Variants in ZGPAT observed in about 807,000 individuals in gnomAD.
ZGPAT encodes the protein zinc finger CCCH-type and G-patch domain containing, also known as zinc finger CCCH-type with G patch domain-containing protein.
A neutral mutation model predicts 47.9 loss-of-function variants in ZGPAT; 39 were observed. That is an observed-to-expected ratio of 0.81 (90% CI 0.63 to 1.06). The LOEUF (loss-of-function observed/expected upper bound fraction) is 1.06. Among genes scored for constraint, ZGPAT ranks in the 50% least tolerant of loss-of-function variants. The pLI, the probability that ZGPAT is intolerant of heterozygous loss-of-function variation, is 0.00. For missense variants in ZGPAT, 717 were observed against 681.4 expected (o/e 1.05, Z -0.58); for synonymous variants, 348 against 292.9 (o/e 1.19, Z -1.92).
chr20:63,733,188 T>C, intron 2 of ZGPAT, 31 bp from the exon 3 acceptor site: 1 of 1,604,188 alleles, frequency 6.2e-7, no homozygotes. Flanking sequence ...GGCCCATGTC[T>C]GAGCCCTGCC....
chr20:63,714,382 T>TGCCAC lies in ZGPAT; in HGVS notation c.584+5219_584+5223dup, dbSNP rs566300817. On this transcript the variant is annotated intron_variant, in intron 2 of 6. Transcript: ENST00000355969. ...CGGAGGTTGCAGTGAGCCAAGATCA[T>TGCCAC]GCCACTCCACTCCAGCCTGGACGAC... 3.4e-5 allele frequency among the ~76,000 whole-genome samples: 5 copies of TGCCAC among 145,936 alleles called. No homozygotes were observed. In the South Asian group the frequency reaches 1.1e-3, roughly 32 times the overall value.
chr20:63,733,149 C>T, intron 2 of ZGPAT, 70 bp from the exon 3 acceptor site: 2 of 1,577,104 alleles, frequency 1.3e-6, no homozygotes, highest in Admixed American at 1.7e-5. Context: ...GCGGATGGGT[C>T]AGTGCTCCTG....
Position 63,711,150 on chromosome 20 carries a change from C to T in ZGPAT, c.584+1986C>T, listed in dbSNP as rs917936072. 2.6e-5 allele frequency among the ~76,000 whole-genome samples: 4 copies of T among 152,148 alleles called. No homozygotes were observed. The East Asian group carries it at 7.7e-4, about 29-fold the overall frequency. On this transcript the variant is annotated intron_variant, in intron 2 of 6. Transcript: ENST00000355969. ...GCCCAAGCCATCCTCCCACCTCAGC[C>T]TCCCTAATAGCTGATACTACAAGTG... is the stretch of plus-strand genomic sequence containing the variant.
chr20:63,725,286 A>G (rs1453390893), intron 2 of ZGPAT, among the ~76,000 whole-genome samples: 2 of 152,288 alleles, frequency 1.3e-5, no homozygotes, highest in African/African-American at 2.4e-5. Context: ...GCCCGGCTAG[A>G]ATTTCTTGTA....
chr20:63,719,053 G>A (rs558246887), intron 2 of ZGPAT, among the ~76,000 whole-genome samples: 61 of 112,906 alleles, frequency 5.4e-4, no homozygotes, highest in African/African-American at 1.6e-3. Context: ...GCAACAGTGC[G>A]AGACTCCATC....
intron 2 of ZGPAT, among the ~76,000 whole-genome samples, chr20:63,726,134 C>A (rs552185178): frequency 2.6e-5 from 4 of 151,764 alleles, no homozygotes; most frequent in Non-Finnish European, 4.4e-5. Context: ...CCACTGCACC[C>A]GGCCAGGATA....
At chr20:63,733,551 C>A in intron 3 of ZGPAT, 36 bp from the exon 4 acceptor site, 1 of 1,614,016 alleles carries the variant, frequency 6.2e-7, no homozygotes, top group South Asian at 1.1e-5. Flanking sequence ...CACCTGCTGT[C>A]AAGGATTCTG....
intron 2 of ZGPAT, among the ~76,000 whole-genome samples, chr20:63,730,914 C>T (rs1963140421): frequency 6.9e-6 from 1 of 145,896 alleles, no homozygotes; most frequent in African/African-American, 2.5e-5. Flanking sequence ...CCCCACATTT[C>T]CTCTTCATTC....
Position 63,735,788 on chromosome 20 carries a change from G to T in ZGPAT, c.1405G>T (p.Val469Leu). ...TAGTGAGCCCCTCCGCAGGCATAGC[G>T]TGGCGTCAGCCCAGCTGCAGGAGAA... ...ALARNAGRHS[V>L]ASAQLQEKLA... The change falls in exon 7 of 7, where the codon GTG (valine) becomes TTG (leucine). Residue 469 changes from valine to leucine, a missense_variant. Coordinates refer to ENST00000355969, the MANE Select transcript of ZGPAT (RefSeq NM_181485.3). 6.2e-7 allele frequency: 1 copy of T among 1,603,894 alleles called. No homozygotes were observed. Among genetic ancestry groups the T allele is most frequent in the African/African-American group, 1.3e-5 (1 of 74,766 alleles).
chr20:63,708,991 C>A lies in ZGPAT; in HGVS notation c.411C>A (p.Pro137=), dbSNP rs553056580. ...TGAGTGGGACAAAGGTGAGCGCGCC[C>A]TACTACAGCTCCTGGGGCACTCTGG... The part of the protein sequence containing the change: ...EELSGTKVSA[P]YYSSWGTLEY... Residue 137 remains proline, a synonymous_variant, in exon 2 of 7, where the codon CCC becomes CCA. Coordinates refer to ENST00000355969, the MANE Select transcript of ZGPAT (RefSeq NM_181485.3). 3.1e-6 allele frequency: 5 copies of A among 1,613,602 alleles called. No homozygotes were observed. The South Asian group carries it at 4.4e-5, about 14-fold the overall frequency.
chr20:63,720,795 G>C (rs1240200720), intron 2 of ZGPAT, among the ~76,000 whole-genome samples: 1 of 152,132 alleles, frequency 6.6e-6, no homozygotes, highest in East Asian at 1.9e-4. Context: ...ACACTTTCTT[G>C]TTTCTTTGCA....
intron 2 of ZGPAT, among the ~76,000 whole-genome samples, chr20:63,731,790 A>C (rs909628891): frequency 6.6e-6 from 1 of 152,152 alleles, no homozygotes; most frequent in African/African-American, 2.4e-5. Context: ...CATCATTTCA[A>C]CCAATCTCGA....
chr20:63,733,058 GTGTA>G (rs902531308), intron 2 of ZGPAT, among the ~76,000 whole-genome samples, 157 bp from the exon 3 acceptor site: 8 of 148,740 alleles, frequency 5.4e-5, no homozygotes, highest in Middle Eastern at 3.5e-3. Flanking sequence ...ATGTGTGCGT[GTGTA>G]TGTGTGTGCG....
rs369568149 is a variant in ZGPAT at position 63,722,112 on chromosome 20, A to C, written c.585-11107A>C. Among the ~76,000 whole-genome samples, 28 of 152,220 alleles carry C rather than the reference A, an allele frequency of 1.8e-4. No homozygotes were observed. In the South Asian group the frequency reaches 5.6e-3, roughly 30 times the overall value. Reference sequence around the variant, plus strand: ...GGGGTGAAACAAAGGCAAGCCCTTCAGGGAGACACTAGAAAGATCCAAATG... The same window carrying C: ...GGGGTGAAACAAAGGCAAGCCCTTCCGGGAGACACTAGAAAGATCCAAATG... On this transcript the variant is annotated intron_variant, in intron 2 of 6. Transcript: ENST00000355969.
rs182765586 is a variant in ZGPAT at position 63,736,020 on chromosome 20, C to A, written c.*101C>A. The stretch of plus-strand genomic sequence containing the variant: ...GAGGGGCCGGCCTGCTGGCCTGGGG[C>A]GTGCAGACACTGCTGAGTGGAGACA... On this transcript the variant is annotated 3_prime_UTR_variant, in exon 7 of 7. Transcript: ENST00000355969. 2.3e-3 allele frequency: 3,397 copies of A among 1,501,546 alleles called. 11 individuals are homozygous for A. Among genetic ancestry groups the A allele is most frequent in the Middle Eastern group, 9.8e-3 (55 of 5,594 alleles). 93.0% of individuals were successfully genotyped at this position (1,501,546 alleles called of 1,614,324 possible). A position where few individuals can be genotyped will look rare whatever the true frequency, so the allele number is the denominator to read the frequency against.
chr20:63,735,731 G>T (rs1485578270), intron 6 of ZGPAT, 50 bp from the exon 7 acceptor site: 17 of 1,557,896 alleles, frequency 1.1e-5, no homozygotes, highest in Non-Finnish European at 1.4e-5. Flanking sequence ...GCAGACTGGG[G>T]TTGGTGGCAT....
intron 2 of ZGPAT, among the ~76,000 whole-genome samples, chr20:63,717,667 C>G (rs2091744989): frequency 6.6e-6 from 1 of 152,130 alleles, no homozygotes; most frequent in Admixed American, 6.6e-5. Context: ...AGCTCCTGGA[C>G]TCAATCAGTC....
At position 63,708,883 on chromosome 20, in the gene ZGPAT, A is replaced by G. The variant is rs146325379; in HGVS notation, c.303A>G (p.Ser101=). ...CAGCAGCGGCCCGTGGGTCCGGATC[A>G]GAGACCGTTCCTAAAGCAGAGGCGG... ...EAPAAARGSG[S]ETVPKAEAGP... is the part of the protein sequence containing the mutation. Residue 101 remains serine (S), a synonymous_variant, in exon 2 of 7, where the codon TCA becomes TCG. Coordinates refer to ENST00000355969, the MANE Select transcript of ZGPAT (RefSeq NM_181485.3). 110 of 1,611,800 alleles carry G rather than the reference A, an allele frequency of 6.8e-5. No homozygotes were observed. Among genetic ancestry groups the G allele is most frequent in the Non-Finnish European group, 8.5e-5 (100 of 1,179,388 alleles).
Position 63,735,568 on chromosome 20 carries a change from C to G in ZGPAT, c.1397+4C>G. 1 of 1,512,666 alleles carries G rather than the reference C, an allele frequency of 6.6e-7. No individual in the cohort carries two copies. The highest frequency in any genetic ancestry group is 8.8e-7 in the Non-Finnish European group (1 of 1,131,992). The allele number at this position is 1,512,666 out of a possible 1,614,324, so 93.7% of individuals were successfully genotyped here. A position where few individuals can be genotyped will look rare whatever the true frequency, so the allele number is the denominator to read the frequency against. ...CTCTCGCCCGCAACGCTGGCCGGTACGTGTGGGGCCCAGCTCAGGGCAAAG... is the reference window on the plus strand; with the variant it reads ...CTCTCGCCCGCAACGCTGGCCGGTAGGTGTGGGGCCCAGCTCAGGGCAAAG... On this transcript the variant is annotated splice_donor_region_variant and intron_variant, in intron 6 of 6. Coordinates refer to ENST00000355969, the MANE Select transcript of ZGPAT (RefSeq NM_181485.3).
Sources: allele counts gnomAD v4.1 joint callset (sites outside exome capture counted in the v4.1 genomes callset), GRCh38; gene constraint gnomAD v4.1.1; transcripts MANE v1.5; gene names NCBI Gene and HGNC (gene_info 2026-07-23, HGNC 2026-07-21).